The following PLXNB3 variants were observed in gnomAD, a reference collection of about 807,000 sequenced individuals.
The protein encoded by PLXNB3 is plexin B3, also known as plexin-B3.
Under a neutral mutation model 125.7 loss-of-function variants are expected in PLXNB3, and 80 were observed. The ratio of observed to expected loss-of-function variants is 0.64; its 90% CI spans 0.53 to 0.77. The LOEUF is 0.77. Ranked by LOEUF, PLXNB3 falls within the 30% of genes least tolerant of loss-of-function variation. The pLI is 0.00. For synonymous variants in PLXNB3, 954 were observed against 783.3 expected (o/e 1.22, Z -3.64); for missense variants, 1,836 against 1,729.3 (o/e 1.06, Z -1.09).
At chrX:153,768,504 A>G (rs2091885131) in intron 4 of PLXNB3, 76 bp downstream of exon 4, 3 of 952,775 alleles carry the variant, frequency 3.1e-6, no homozygotes, top group Non-Finnish European at 4.3e-6. Context: ...AGCAACTTCC[A>G]CCTCTTAGCC....
At chrX:153,766,000 C>T (rs901378220) in intron 2 of PLXNB3, 1 of 753,498 alleles carries the variant, frequency 1.3e-6, no homozygotes, top group Non-Finnish European at 1.6e-6. Context: ...CTCCCCCAGC[C>T]AGCTCTCCTG....
At chrX:153,771,277 G>A in intron 12 of PLXNB3, 33 bp from the exon 13 acceptor site, 1 of 1,131,780 alleles carries the variant, frequency 8.8e-7, no homozygotes, top group Non-Finnish European at 1.2e-6. Context: ...GCCCTGAGTG[G>A]GCACCCAGCC....
At position 153,770,098 on chromosome X, in the gene PLXNB3, TTGTC is replaced by T; in HGVS notation, c.1641_1644del (p.Val548ProfsTer56). 1 of 1,210,940 alleles carries T rather than the reference TTGTC, an allele frequency of 8.3e-7. No homozygotes were observed. Among genetic ancestry groups the T allele is most frequent in the Non-Finnish European group, 1.1e-6 (1 of 895,205 alleles). On this transcript the variant is annotated frameshift_variant, in exon 8 of 36. Coordinates refer to ENST00000361971, the MANE Select transcript of PLXNB3 (RefSeq NM_005393.3). LOFTEE classifies it high-confidence loss of function. ...TCTCCCCGCTGCATCCCAGGTCACT[TTGTC>T]TGTCCCCCGGCTGCCCATCCTGGAT... is the stretch of plus-strand genomic sequence containing the variant.
In PLXNB3 at chrX:153,778,651, C is replaced by T; in HGVS notation, c.5602C>T (p.His1868Tyr). ...CLEALQELYNHIHRYYDQIIS... is the reference protein window; with the variant it reads ...CLEALQELYNYIHRYYDQIIS... ...GGAGGCTCTGCAAGAACTCTACAACCACATCCACAGGTACTATGATCAGGT... is the reference window on the plus strand; with the variant it reads ...GGAGGCTCTGCAAGAACTCTACAACTACATCCACAGGTACTATGATCAGGT... The change falls in exon 35 of 36, where the codon CAC becomes TAC. Residue 1868 changes from histidine (H) to tyrosine (Y), a missense_variant. Coordinates refer to ENST00000361971, the MANE Select transcript of PLXNB3 (RefSeq NM_005393.3). 8.3e-7 allele frequency: 1 copy of T among 1,205,027 alleles called. No individual in the cohort carries two copies.
intron 33 of PLXNB3, 34 bp downstream of exon 33, chrX:153,778,359 G>T: frequency 8.3e-7 from 1 of 1,207,984 alleles, no homozygotes; most frequent in Non-Finnish European, 1.1e-6. Flanking sequence ...TGCGGGGAAG[G>T]GGGCTGCCCC....
In PLXNB3 at chrX:153,770,438, G is replaced by C. The variant is rs73640825; in HGVS notation, c.1887G>C (p.Ala629=). The change falls in exon 9 of 36, where the codon GCG becomes GCC. Residue 629 remains alanine, a synonymous_variant. Coordinates refer to ENST00000361971, the MANE Select transcript of PLXNB3 (RefSeq NM_005393.3). ...YDCSAVQALE[A]AAPCRACVGS... Reference sequence around the variant, plus strand: ...GCAGTGCCGTCCAGGCCTTGGAGGCGGCTGCCCCGTGAGTCCCTGGGCCTG... The same window carrying C: ...GCAGTGCCGTCCAGGCCTTGGAGGCCGCTGCCCCGTGAGTCCCTGGGCCTG... The C allele has an allele frequency of 2.5e-6, 3 of 1,207,999 alleles. No individual in the cohort carries two copies. Among genetic ancestry groups the C allele is most frequent in the South Asian group, 3.5e-5 (2 of 56,733 alleles).
chrX:153,767,856 C>T lies in PLXNB3; in HGVS notation c.1029C>T (p.Gly343=), dbSNP rs781840850. The T allele has an allele frequency of 2.1e-4, 240 of 1,131,043 alleles. No homozygotes were observed. Among genetic ancestry groups the T allele is most frequent in the South Asian group, 6.4e-4 (31 of 48,174 alleles). The allele number at this position is 1,131,043 out of a possible 1,213,427, so 93.2% of individuals were successfully genotyped here. Residue 343 remains glycine, a synonymous_variant, in exon 3 of 36, where the codon GGC becomes GGT. Transcript: ENST00000361971. ...CYTAGGRGPS[G]AEEATVEYGV... Reference sequence around the variant, plus strand: ...CGGCGGGCGGCCGGGGCCCCAGCGGCGCAGAGGAAGCCACCGTGGAGTACG... The same window carrying T: ...CGGCGGGCGGCCGGGGCCCCAGCGGTGCAGAGGAAGCCACCGTGGAGTACG...
rs781858832 is a variant in PLXNB3, at chrX:153,770,201, G to C, written c.1739G>C (p.Cys580Ser). 7 of 1,211,322 alleles carry C rather than the reference G, an allele frequency of 5.8e-6. No homozygotes were observed. Among genetic ancestry groups the C allele is most frequent in the Non-Finnish European group, 6.7e-6 (6 of 895,529 alleles). ...CATGTGGAAGGGCCCCACGTGGCCT[G>C]TGTCACCCCTCCCCAAGACCAGGTG... ...LAHVEGPHVA[C>S]VTPPQDQVPL... The change falls in exon 8 of 36, where the codon TGT becomes TCT. Residue 580 changes from cysteine (C) to serine (S), a missense_variant. Cys to Ser is a moderately radical substitution (Grantham distance 112, BLOSUM62 -1). Coordinates refer to ENST00000361971, the MANE Select transcript of PLXNB3 (RefSeq NM_005393.3).
chrX:153,769,739 G>GC lies in PLXNB3; in HGVS notation c.1497-64dup, dbSNP rs1569541819. 8.1e-6 allele frequency: 9 copies of GC among 1,106,569 alleles called. No individual in the cohort carries two copies. The African/African-American group carries it at 1.1e-4, about 13-fold the overall frequency. 91.2% of individuals were successfully genotyped at this position (1,106,569 alleles called of 1,213,427 possible). On this transcript the variant is annotated intron_variant, in intron 6 of 35. Transcript: ENST00000361971. ...ACTCCAGCTGGGCCGGCCTCCCCAG[G>GC]CCCCTGTTGCCGGTCATCCTTGGAG...
chrX:153,764,500 G>A (rs1257580188), intron 1 of PLXNB3, among the ~76,000 whole-genome samples, 196 bp downstream of exon 1: 2 of 112,940 alleles, frequency 1.8e-5, no homozygotes, highest in African/African-American at 6.4e-5. Flanking sequence ...GTTAGGAGGT[G>A]GGGAACCATG....
chrX:153,777,560 C>T lies in PLXNB3; in HGVS notation c.5133C>T (p.Phe1711=). The T allele has an allele frequency of 8.3e-7, 1 of 1,211,949 alleles. No homozygotes were observed. Among genetic ancestry groups the T allele is most frequent in the Non-Finnish European group, 1.1e-6 (1 of 895,521 alleles). The stretch of plus-strand genomic sequence containing the variant: ...TGCAGAAGTTTGTGGACGACACCTT[C>T]CAGGCCATTCTCAGCGTGAACCGGC... The part of the protein sequence containing the change: ...GTLQKFVDDT[F]QAILSVNRPI... Residue 1711 remains phenylalanine (F), a synonymous_variant, in exon 31 of 36, where the codon TTC becomes TTT. Coordinates refer to ENST00000361971, the MANE Select transcript of PLXNB3 (RefSeq NM_005393.3).
Position 153,779,081 on chromosome X carries a change from C to A in PLXNB3, c.*42C>A. 1 of 983,999 alleles carries A rather than the reference C, an allele frequency of 1.0e-6. No individual in the cohort carries two copies. The highest frequency in any genetic ancestry group is 1.4e-6 in the Non-Finnish European group (1 of 724,604). 81.1% of individuals were successfully genotyped at this position (983,999 alleles called of 1,213,427 possible). ...CAGCAAGCCGGATCCACCAACACCG[C>A]AGCGCCTTATGACCCCGGAACCGAG... On this transcript the variant is annotated 3_prime_UTR_variant, in exon 36 of 36. Transcript: ENST00000361971.
chrX:153,767,671 G>C lies in PLXNB3; in HGVS notation c.844G>C (p.Ala282Pro), dbSNP rs782082970. The C allele has an allele frequency of 8.4e-7, 1 of 1,188,938 alleles. No homozygotes were observed. Residue 282 changes from alanine (A) to proline (P), a missense_variant, in exon 3 of 36, where the codon GCC (alanine) becomes CCC (proline). Ala to Pro is a conservative substitution (Grantham distance 27). Transcript: ENST00000361971. ...GTACTCCTACGTGGAGGTCCCCCTCGCCTGCCAGGGCCAGGGCCTCATCCA... is the reference window on the plus strand; with the variant it reads ...GTACTCCTACGTGGAGGTCCCCCTCCCCTGCCAGGGCCAGGGCCTCATCCA... ...NLYSYVEVPL[A>P]CQGQGLIQAA...
In PLXNB3 at chrX:153,770,995, G is replaced by C. The variant is rs782155105; in HGVS notation, c.2167G>C (p.Glu723Gln). The change falls in exon 12 of 36, where the codon GAG (glutamate) becomes CAG (glutamine). Residue 723 changes from glutamate to glutamine, a missense_variant. Coordinates refer to ENST00000361971, the MANE Select transcript of PLXNB3 (RefSeq NM_005393.3). ...GLPASFHCWL[E>Q]LPGELRGLPA... ...GCCTGCCTCCTTCCACTGCTGGCTG[G>C]AGCTGCCTGGAGAACTTCGGGGACT... 4.1e-6 allele frequency: 5 copies of C among 1,210,958 alleles called. No individual in the cohort carries two copies. Among genetic ancestry groups the C allele is most frequent in the African/African-American group, 3.4e-5 (2 of 57,997 alleles).
At chrX:153,771,106 C>T (rs1384963389) in intron 12 of PLXNB3, 25 bp downstream of exon 12, 1 of 1,156,854 alleles carries the variant, frequency 8.6e-7, no homozygotes, top group South Asian at 1.8e-5. Context: ...TCCAAACCCT[C>T]TTGCCCCCAA....
At chrX:153,769,423 G>A (rs1008917367) in intron 6 of PLXNB3, among the ~76,000 whole-genome samples, 161 bp downstream of exon 6, 19 of 112,283 alleles carry the variant, frequency 1.7e-4, no homozygotes, top group Admixed American at 6.5e-4. Context: ...TCACTGAGCC[G>A]TCAATCTGGT....
rs2091931227 is a variant in PLXNB3, at chrX:153,771,672, G to T, written c.2517+17G>T. On this transcript the variant is annotated intron_variant, in intron 14 of 35. Coordinates refer to ENST00000361971, the MANE Select transcript of PLXNB3 (RefSeq NM_005393.3). ...ATTGATGCAGTGAGTCTCCTGCCGG[G>T]CCCCCACAGCCCAGTGGCCCACTTC... The T allele has an allele frequency of 3.4e-6, 4 of 1,164,845 alleles. No individual in the cohort carries two copies. The highest frequency in any genetic ancestry group is 4.6e-6 in the Non-Finnish European group (4 of 872,473).
intron 2 of PLXNB3, chrX:153,765,941 C>G: frequency 1.3e-6 from 1 of 754,597 alleles, no homozygotes; most frequent in Non-Finnish European, 1.6e-6. Flanking sequence ...CCAGGCACAC[C>G]CAGGAACCAT....
rs1557062224 is a variant in PLXNB3, at chrX:153,772,167, G to T, written c.2670-15G>T. On this transcript the variant is annotated splice_polypyrimidine_tract_variant and intron_variant, in intron 15 of 35. Coordinates refer to ENST00000361971, the MANE Select transcript of PLXNB3 (RefSeq NM_005393.3). Reference sequence around the variant, plus strand: ...TCCCTGAGCCCTGAGCAGCTCCCAGGCCTCGGCTTTCCAGGATTGTGTGTG... The same window carrying T: ...TCCCTGAGCCCTGAGCAGCTCCCAGTCCTCGGCTTTCCAGGATTGTGTGTG... 1 of 1,192,101 alleles carries T rather than the reference G, an allele frequency of 8.4e-7. No individual in the cohort carries two copies. The highest frequency in any genetic ancestry group is 1.1e-6 in the Non-Finnish European group (1 of 883,451).
Sources: gnomAD v4.1 joint callset for allele counts (sites outside exome capture counted in the v4.1 genomes callset) on GRCh38, gnomAD v4.1.1 for gene constraint, MANE v1.5 for transcripts, NCBI Gene and HGNC (gene_info 2026-07-23, HGNC 2026-07-21) for gene names.